The following PCDHGA7 variants were observed in gnomAD, a reference collection of about 807,000 sequenced individuals.
The protein encoded by PCDHGA7 is protocadherin gamma-A7.
PCDHGA7 carries 44 observed loss-of-function variants against 58.3 expected under a neutral mutation model. That is an observed-to-expected ratio of 0.75 (90% CI 0.59 to 0.97). The LOEUF is 0.97. Ranked by LOEUF, PCDHGA7 falls within the 50% of genes least tolerant of loss-of-function variation. The probability of loss-of-function intolerance (pLI) is 0.00; values close to 1 mark genes in which losing one functional copy is unlikely to be tolerated. For synonymous variants in PCDHGA7, 516 were observed against 504.2 expected (o/e 1.02, Z -0.31); for missense variants, 1,266 against 1,188.7 (o/e 1.06, Z -0.96).
Position 141,431,920 on chromosome 5 carries a change from A to C in PCDHGA7, c.2424+46597A>C. On this transcript the variant is annotated intron_variant, in intron 1 of 3. Transcript: ENST00000518325. The surrounding 1 kb of genome is among the most constrained non-coding windows in gnomAD (Gnocchi z 4.8). ...ACGGACAGGTGATCTGTTTCATCCA[A>C]GGAAATCTGCCCTTTAAATTAGAAA... 1 of 1,614,164 alleles carries C rather than the reference A, an allele frequency of 6.2e-7. No individual in the cohort carries two copies. Among genetic ancestry groups the C allele is most frequent in the Non-Finnish European group, 8.5e-7 (1 of 1,179,976 alleles).
At chr5:141,468,739 G>A (rs1167211344) in intron 1 of PCDHGA7, among the ~76,000 whole-genome samples, 5 of 152,000 alleles carry the variant, frequency 3.3e-5, no homozygotes, top group African/African-American at 1.2e-4. Context: ...GGTGGCGGGT[G>A]CCTGTAGTCC....
Position 141,489,898 on chromosome 5 carries a change from C to T in PCDHGA7, c.2425-4909C>T. On this transcript the variant is annotated intron_variant, in intron 1 of 3. Transcript: ENST00000518325. The surrounding 1 kb of genome is among the most constrained non-coding windows in gnomAD (Gnocchi z 4.5). ...GCTTACTGCTGTGGATGGGGGGACC[C>T]CAGCCCGCTCAGGGACCACCCTTAT... 6.2e-7 allele frequency: 1 copy of T among 1,614,216 alleles called. No homozygotes were observed. Among genetic ancestry groups the T allele is most frequent in the Non-Finnish European group, 8.5e-7 (1 of 1,180,036 alleles).
chr5:141,450,991 A>AT (rs1351194705), intron 1 of PCDHGA7, among the ~76,000 whole-genome samples: 1 of 150,700 alleles, frequency 6.6e-6, no homozygotes. Context: ...CACCCGGCTA[A>AT]TTTTTTTGTA....
chr5:141,422,194 C>A, intron 1 of PCDHGA7: 1 of 1,562,366 alleles, frequency 6.4e-7, no homozygotes, highest in South Asian at 1.2e-5. Flanking sequence ...AATTCAAGGC[C>A]AAGATGGTGG....
Position 141,431,999 on chromosome 5 carries a change from C to G in PCDHGA7, c.2424+46676C>G. The G allele has an allele frequency of 6.2e-7, 1 of 1,614,158 alleles. No homozygotes were observed. The highest frequency in any genetic ancestry group is 1.1e-5 in the South Asian group (1 of 91,086). On this transcript the variant is annotated intron_variant, in intron 1 of 3. Transcript: ENST00000518325. This position sits in a 1 kb window ranked among gnomAD's most constrained non-coding sequence, Gnocchi z 4.8. ...CACAGACATAGTCTTGGATAGGGAA[C>G]AGGTTCCTAGCTACAACATCACAGT... is the stretch of plus-strand genomic sequence containing the variant.
At chr5:141,488,594 C>T (rs1398982317) in intron 1 of PCDHGA7, among the ~76,000 whole-genome samples, 3 of 152,164 alleles carry the variant, frequency 2.0e-5, no homozygotes, top group African/African-American at 7.2e-5. Context: ...CAGGGCAAGA[C>T]TTTACAAGGT....
At chr5:141,418,423 T>G (rs1469880702) in intron 1 of PCDHGA7, 1 of 1,613,868 alleles carries the variant, frequency 6.2e-7, no homozygotes. Flanking sequence ...ATCCTGATGG[T>G]GGCAAATATC....
intron 1 of PCDHGA7, chr5:141,478,150 C>T (rs569939900): frequency 6.2e-7 from 1 of 1,614,086 alleles, no homozygotes; most frequent in African/African-American, 1.3e-5. Flanking sequence ...CCGAGTTCCC[C>T]TCTGGCTCTG....
At chr5:141,387,354 CA>C (rs1037365285) in intron 1 of PCDHGA7, among the ~76,000 whole-genome samples, 7 of 152,004 alleles carry the variant, frequency 4.6e-5, no homozygotes, top group African/African-American at 1.7e-4. Context: ...CGGTTTAGGC[CA>C]AGTCTGTGTT....
chr5:141,400,080 C>T (rs375308173), intron 1 of PCDHGA7: 219 of 1,614,010 alleles, frequency 1.4e-4, no homozygotes, highest in East Asian at 2.9e-4. Flanking sequence ...CGCCACTCTC[C>T]GCCACCGCCA....
chr5:141,435,073 G>A (rs535689336), intron 1 of PCDHGA7, among the ~76,000 whole-genome samples: 150 of 151,756 alleles, frequency 9.9e-4, no homozygotes, highest in Middle Eastern at 3.4e-3. Flanking sequence ...TGTGTAGACC[G>A]TCTGATAACA....
intron 1 of PCDHGA7, chr5:141,430,711 C>T (rs2097304226): frequency 1.3e-6 from 2 of 1,483,856 alleles, no homozygotes; most frequent in African/African-American, 2.8e-5. Context: ...CTGCTCCTGA[C>T]TTCAGTGGTT....
chr5:141,433,993 T>C (rs1367687577), intron 1 of PCDHGA7, among the ~76,000 whole-genome samples: 1 of 152,216 alleles, frequency 6.6e-6, no homozygotes, highest in Admixed American at 6.5e-5. Flanking sequence ...GAGTTTTATA[T>C]TCTCTATATA....
intron 1 of PCDHGA7, among the ~76,000 whole-genome samples, chr5:141,473,661 G>T (rs935648567): frequency 2.6e-5 from 4 of 152,172 alleles, no homozygotes; most frequent in Non-Finnish European, 4.4e-5. Context: ...TTGTGTGAAG[G>T]CCCTGAGACA....
chr5:141,427,103 G>A (rs1216465844), intron 1 of PCDHGA7: 3 of 457,888 alleles, frequency 6.6e-6, no homozygotes, highest in Non-Finnish European at 1.3e-5. Flanking sequence ...GTGTCAATGC[G>A]GAGATCACCT....
rs149314216 is a variant in PCDHGA7, at chr5:141,487,041, G to A, written c.2425-7766G>A. 2.1e-3 allele frequency: 3,442 copies of A among 1,614,128 alleles called. 3 individuals carry two copies. Among genetic ancestry groups the A allele is most frequent in the Non-Finnish European group, 2.7e-3 (3,235 of 1,180,026 alleles). ...GATCCCAGCCTGTTTGCAGTCTCTC[G>A]ATATGCTGGGGAGGTGCGGACGGCT... On this transcript the variant is annotated intron_variant, in intron 1 of 3. Transcript: ENST00000518325. The surrounding 1 kb of genome is among the most constrained non-coding windows in gnomAD (Gnocchi z 5.0).
intron 1 of PCDHGA7, chr5:141,399,077 G>A (rs1589355843): frequency 6.2e-7 from 1 of 1,613,830 alleles, no homozygotes; most frequent in Non-Finnish European, 8.5e-7. Context: ...GTTGTAGAAG[G>A]GAGGGATGGT....
chr5:141,389,166 C>G (rs1340986620), intron 1 of PCDHGA7: 1 of 1,613,988 alleles, frequency 6.2e-7, no homozygotes, highest in Non-Finnish European at 8.5e-7. Context: ...TCGGGGCAAG[C>G]CTCCCCTCTC....
At chr5:141,409,559 G>A (rs1421541308) in intron 1 of PCDHGA7, 1 of 1,613,936 alleles carries the variant, frequency 6.2e-7, no homozygotes, top group Admixed American at 1.7e-5. Context: ...CCCAGTTTTC[G>A]ACCAGACGTC....
Sources: gnomAD v4.1 joint callset for allele counts (sites outside exome capture counted in the v4.1 genomes callset) on GRCh38, gnomAD v4.1.1 for gene constraint, Gnocchi (gnomAD v3.1) non-coding constraint, MANE v1.5 for transcripts, NCBI Gene and HGNC (gene_info 2026-07-23, HGNC 2026-07-21) for gene names.